Variants in CADPS2 observed in about 807,000 individuals in gnomAD.
The protein encoded by CADPS2 is calcium dependent secretion activator 2.
Under a neutral mutation model 172.5 loss-of-function variants are expected in CADPS2, and 93 were observed. The observed-to-expected ratio is 0.54, with a 90% CI of 0.46 to 0.64. CADPS2 has a LOEUF of 0.64. CADPS2 is among the 30% of genes least tolerant of loss of function. The probability of loss-of-function intolerance (pLI) is 0.00; values close to 1 mark genes in which losing one functional copy is unlikely to be tolerated. For missense variants in CADPS2, 1,420 were observed against 1,565.9 expected, an observed-to-expected ratio of 0.91 and a Z score of 1.57; for synonymous variants, 546 against 555.2, an observed-to-expected ratio of 0.98 and a Z score of 0.23.
intron 25 of CADPS2, among the ~76,000 whole-genome samples, chr7:122,367,751 A>G (rs927001919): frequency 3.5e-5 from 5 of 144,702 alleles, no homozygotes; most frequent in African/African-American, 1.3e-4. Flanking sequence ...TTAAAACAAT[A>G]AAAGTTTATT....
At chr7:122,768,393 C>A (rs37905) in intron 1 of CADPS2, among the ~76,000 whole-genome samples, 28,507 of 151,964 alleles carry the variant, frequency 0.19, 3,151 homozygotes, top group African/African-American at 0.31. Flanking sequence ...TAAAGTATTC[C>A]TACTTTGTTT....
Position 122,393,276 on chromosome 7 carries a change from T to A in CADPS2, c.2928A>T (p.Lys976Asn). The change falls in exon 22 of 30, where the codon AAA (lysine) becomes AAT (asparagine). Residue 976 changes from lysine (K) to asparagine (N), a missense_variant. Transcript: ENST00000449022. Reference sequence around the variant, plus strand: ...GAAGATTAAGAGGCAGACTTGGAACTTTTGGAAGAGCTACATTGGGAAGAC... The same window carrying A: ...GAAGATTAAGAGGCAGACTTGGAACATTTGGAAGAGCTACATTGGGAAGAC... ...ANSLPNVALP[K>N]VPSLPLNLPQ... The A allele has an allele frequency of 6.2e-7, 1 of 1,613,850 alleles. No individual in the cohort carries two copies. The highest frequency in any genetic ancestry group is 1.6e-4 in the Middle Eastern group (1 of 6,062).
chr7:122,563,630 T>C (rs2066034332), intron 7 of CADPS2, among the ~76,000 whole-genome samples: 1 of 152,180 alleles, frequency 6.6e-6, no homozygotes. Flanking sequence ...TAATCTTTGG[T>C]TATTAAGTAC....
At chr7:122,695,014 G>C (rs1280039927) in intron 2 of CADPS2, among the ~76,000 whole-genome samples, 1 of 152,200 alleles carries the variant, frequency 6.6e-6, no homozygotes, top group Non-Finnish European at 1.5e-5. Flanking sequence ...AGAAAAGTCA[G>C]ATCCCTGGCT....
At chr7:122,323,743 A>G (rs2033108242) in intron 29 of CADPS2, among the ~76,000 whole-genome samples, 2 of 151,696 alleles carry the variant, frequency 1.3e-5, no homozygotes, top group African/African-American at 4.8e-5. Flanking sequence ...GAAATCTTGA[A>G]CACAGTAGGC....
chr7:122,740,770 CAA>C (rs753571744), intron 1 of CADPS2, among the ~76,000 whole-genome samples: 16 of 151,934 alleles, frequency 1.1e-4, no homozygotes, highest in Non-Finnish European at 2.1e-4. Context: ...ACTCATTACC[CAA>C]AGAGTTCATT....
chr7:122,639,476 G>A (rs2077382777), intron 3 of CADPS2, among the ~76,000 whole-genome samples: 1 of 152,000 alleles, frequency 6.6e-6, no homozygotes, highest in African/African-American at 2.4e-5. Flanking sequence ...CCTGACTTTG[G>A]CTACGTAATC....
At position 122,387,053 on chromosome 7, in the gene CADPS2, T is replaced by G; in HGVS notation, c.3285A>C (p.Lys1095Asn). 2 of 1,558,928 alleles carry G rather than the reference T, an allele frequency of 1.3e-6. No homozygotes were observed. The highest frequency in any genetic ancestry group is 1.7e-6 in the Non-Finnish European group (2 of 1,149,852). Residue 1095 changes from lysine to asparagine, a missense_variant, in exon 24 of 30, where the codon AAA (lysine) becomes AAC (asparagine). Lys to Asn is a moderately conservative substitution (Grantham distance 94). Transcript: ENST00000449022. ...VLVDAKKQSTKLCALDGGQEQ... is the reference protein window; with the variant it reads ...VLVDAKKQSTNLCALDGGQEQ... ...CTTGTCCTCCATCCAGGGCACAGAG[T>G]TTGGTGCTTTGCTTTTTGGCATCGA...
At chr7:122,650,571 T>C (rs2079048805) in intron 3 of CADPS2, among the ~76,000 whole-genome samples, 1 of 152,170 alleles carries the variant, frequency 6.6e-6, no homozygotes, top group Admixed American at 6.5e-5. Flanking sequence ...AGGTAATCTA[T>C]ATTCATTATC....
chr7:122,612,459 T>C (rs1351330820), intron 6 of CADPS2, among the ~76,000 whole-genome samples: 8 of 151,734 alleles, frequency 5.3e-5, no homozygotes, highest in Non-Finnish European at 7.4e-5. Flanking sequence ...TAAAAAAGAA[T>C]AAAATAATAG....
intron 3 of CADPS2, among the ~76,000 whole-genome samples, chr7:122,642,053 G>C (rs1194506031): frequency 5.9e-5 from 9 of 152,044 alleles, no homozygotes; most frequent in Non-Finnish European, 1.2e-4. Flanking sequence ...GCTGAGGCAG[G>C]TGGATCACTT....
intron 1 of CADPS2, among the ~76,000 whole-genome samples, chr7:122,770,136 C>A (rs976520489): frequency 6.6e-6 from 1 of 152,126 alleles, no homozygotes; most frequent in Admixed American, 6.6e-5. Flanking sequence ...CTGAAGAACT[C>A]AACCCTCAGC....
At chr7:122,738,093 A>C (rs969313888) in intron 1 of CADPS2, among the ~76,000 whole-genome samples, 1 of 152,146 alleles carries the variant, frequency 6.6e-6, no homozygotes, top group Non-Finnish European at 1.5e-5. Context: ...TTTACAACCA[A>C]GGGTCCTTAC....
chr7:122,629,809 C>G (rs1450514377), intron 3 of CADPS2, among the ~76,000 whole-genome samples: 1 of 152,086 alleles, frequency 6.6e-6, no homozygotes. Flanking sequence ...TTCATATACT[C>G]CTCATTCTAA....
intron 7 of CADPS2, among the ~76,000 whole-genome samples, chr7:122,556,318 A>T (rs189798663): frequency 1.5e-4 from 23 of 152,226 alleles, no homozygotes; most frequent in African/African-American, 5.1e-4. Flanking sequence ...ACTAAGATAG[A>T]TCTCTATATC....
intron 1 of CADPS2, among the ~76,000 whole-genome samples, chr7:122,830,519 AAAAGGAAATTT>A (rs1272778802): frequency 6.6e-6 from 1 of 152,238 alleles, no homozygotes; most frequent in Admixed American, 6.5e-5. Context: ...AAAATAAACT[AAAAGGAAATTT>A]AATTGCTCCC....
At chr7:122,442,765 T>C (rs2051530715) in intron 15 of CADPS2, among the ~76,000 whole-genome samples, 1 of 152,082 alleles carries the variant, frequency 6.6e-6, no homozygotes, top group South Asian at 2.1e-4. Flanking sequence ...ATAAATGTTA[T>C]ATAAATCTAG....
intron 20 of CADPS2, among the ~76,000 whole-genome samples, chr7:122,406,814 T>C (rs1490388076): frequency 1.3e-5 from 2 of 152,158 alleles, no homozygotes; most frequent in South Asian, 2.1e-4. Context: ...AGTGACTCCA[T>C]GGTCACTTCA....
At chr7:122,379,776 G>C (rs1273907020) in intron 24 of CADPS2, among the ~76,000 whole-genome samples, 1 of 152,012 alleles carries the variant, frequency 6.6e-6, no homozygotes, top group East Asian at 1.9e-4. Flanking sequence ...TTTTTCTAAA[G>C]GGTTGGTTTA....
Sources: gnomAD v4.1 joint callset for allele counts (sites outside exome capture counted in the v4.1 genomes callset) on GRCh38, gnomAD v4.1.1 for gene constraint, MANE v1.5 for transcripts, NCBI Gene and HGNC (gene_info 2026-07-23, HGNC 2026-07-21) for gene names.